LRRC58: variants seen among roughly 807,000 people sequenced by gnomAD.
LRRC58 encodes leucine-rich repeat-containing protein 58.
Under a neutral mutation model 30.6 loss-of-function variants are expected in LRRC58, and 18 were observed. The observed-to-expected ratio is 0.59, with a 90% CI of 0.41 to 0.87. LRRC58 has a LOEUF of 0.87. Ranked by LOEUF, LRRC58 falls within the 40% of genes least tolerant of loss-of-function variation. LRRC58 has a pLI of 0.00. For synonymous variants in LRRC58, 221 were observed against 206.0 expected (o/e 1.07, Z -0.62); for missense variants, 420 against 468.4 (o/e 0.90, Z 0.95).
Position 120,326,094 on chromosome 3 carries a change from C to T in LRRC58, c.*5106G>A, listed in dbSNP as rs568044010. 1 of 152,328 alleles carries T rather than the reference C, an allele frequency of 6.6e-6. No homozygotes were observed. The highest frequency in any genetic ancestry group is 1.9e-4 in the East Asian group (1 of 5,188). The allele number at this position is 152,328 out of a possible 1,614,324, so 9.4% of individuals were successfully genotyped here. A position where few individuals can be genotyped will look rare whatever the true frequency, so the allele number is the denominator to read the frequency against. ...TAGAGTAGAGGATTTAAGGCACATACTTCCTGACCACAACTGAAATCATGA... is the reference window on the plus strand; with the variant it reads ...TAGAGTAGAGGATTTAAGGCACATATTTCCTGACCACAACTGAAATCATGA... On this transcript the variant is annotated 3_prime_UTR_variant, in exon 4 of 4. Coordinates refer to ENST00000295628, the MANE Select transcript of LRRC58 (RefSeq NM_001099678.2).
intron 1 of LRRC58, among the ~76,000 whole-genome samples, chr3:120,340,639 T>C (rs1208278254): frequency 6.6e-6 from 1 of 152,142 alleles, no homozygotes; most frequent in Non-Finnish European, 1.5e-5. Context: ...TTTGGGAGGC[T>C]GAGGCAGGTG....
At chr3:120,331,446 G>C (rs1299837179) in intron 3 of LRRC58, 38 bp from the exon 4 acceptor site, 3 of 1,496,468 alleles carry the variant, frequency 2.0e-6, no homozygotes, top group Middle Eastern at 1.8e-4. Context: ...TCATTACAAA[G>C]CAAGGAATCA....
chr3:120,337,846 CT>C (rs1338576803), intron 1 of LRRC58, among the ~76,000 whole-genome samples: 10 of 148,874 alleles, frequency 6.7e-5, no homozygotes, highest in East Asian at 3.9e-4. Context: ...TCTATTTGTT[CT>C]TTTTTTTTTG....
chr3:120,339,397 C>A (rs1033045928), intron 1 of LRRC58, among the ~76,000 whole-genome samples: 1 of 152,102 alleles, frequency 6.6e-6, no homozygotes, highest in East Asian at 1.9e-4. Context: ...ATATGTTTTA[C>A]CAATTTTATC....
chr3:120,343,983 G>A (rs776633594), intron 1 of LRRC58, among the ~76,000 whole-genome samples: 52 of 152,292 alleles, frequency 3.4e-4, no homozygotes, highest in Middle Eastern at 6.8e-3. Context: ...AGGCTGCAGT[G>A]AGGTGAGATC....
At chr3:120,339,008 A>G (rs971273865) in intron 1 of LRRC58, among the ~76,000 whole-genome samples, 1 of 152,178 alleles carries the variant, frequency 6.6e-6, no homozygotes, top group Non-Finnish European at 1.5e-5. Flanking sequence ...CCCTTTACTT[A>G]TAACTTATTG....
At position 120,349,279 on chromosome 3, in the gene LRRC58, C is replaced by T. The variant is rs898176367; in HGVS notation, c.-36G>A. 1.0e-5 allele frequency: 14 copies of T among 1,353,350 alleles called. No individual in the cohort carries two copies. Among genetic ancestry groups the T allele is most frequent in the Non-Finnish European group, 1.3e-5 (14 of 1,059,310 alleles). 83.8% of individuals were successfully genotyped at this position (1,353,350 alleles called of 1,614,324 possible). A position where few individuals can be genotyped will look rare whatever the true frequency, so the allele number is the denominator to read the frequency against. ...GCACGGCGCGTGGCGCCGGATTCCC[C>T]AGAGCGCCGCGCGCGGTCCAGAGGC... On this transcript the variant is annotated 5_prime_UTR_variant, in exon 1 of 4. Coordinates refer to ENST00000295628, the MANE Select transcript of LRRC58 (RefSeq NM_001099678.2).
At position 120,335,156 on chromosome 3, in the gene LRRC58, AG is replaced by A. The variant is rs1208152660; in HGVS notation, c.630-18del. 51 of 1,602,326 alleles carry A rather than the reference AG, an allele frequency of 3.2e-5. No homozygotes were observed. The Middle Eastern group carries it at 6.6e-4, about 21-fold the overall frequency. On this transcript the variant is annotated intron_variant, in intron 2 of 3. Transcript: ENST00000295628. ...GAATGTAACCTAGAATAAATGTAGT[AG>A]AAAAATCAATGGCAGTAAACAACGT...
At chr3:120,333,461 G>T (rs1233716597) in intron 3 of LRRC58, among the ~76,000 whole-genome samples, 1 of 152,160 alleles carries the variant, frequency 6.6e-6, no homozygotes, top group African/African-American at 2.4e-5. Flanking sequence ...TCTAAGAGTG[G>T]GTGGCCAGAA....
chr3:120,348,835 C>A lies in LRRC58; in HGVS notation c.409G>T (p.Ala137Ser), dbSNP rs780183423. The A allele has an allele frequency of 1.9e-6, 3 of 1,605,492 alleles. No homozygotes were observed. Among genetic ancestry groups the A allele is most frequent in the South Asian group, 1.1e-5 (1 of 89,204 alleles). ...AGCGCGCGCAGCTCTAAGAGCGAGG[C>A]AGGCACCTCCTGGAAACAGTTGCCG... ...LSGNCFQEVP[A>S]SLLELRALQT... is the part of the protein sequence containing the mutation. Residue 137 changes from alanine (A) to serine (S), a missense_variant, in exon 1 of 4, where the codon GCC (alanine) becomes TCC (serine). This residue lies in a region of LRRC58 where 266 missense variants were observed against 251.7 expected (regional missense o/e 1.06). Transcript: ENST00000295628.
At chr3:120,346,234 G>A (rs934024009) in intron 1 of LRRC58, among the ~76,000 whole-genome samples, 74 of 152,108 alleles carry the variant, frequency 4.9e-4, no homozygotes, top group African/African-American at 1.8e-3. Flanking sequence ...TCCAGCCTGG[G>A]CAACAGAGTG....
chr3:120,345,867 C>T (rs1315935693), intron 1 of LRRC58, among the ~76,000 whole-genome samples: 2 of 152,220 alleles, frequency 1.3e-5, no homozygotes, highest in Non-Finnish European at 2.9e-5. Flanking sequence ...ACAGATAGCA[C>T]GGTTGTTAGC....
chr3:120,345,030 G>C (rs993840345), intron 1 of LRRC58, among the ~76,000 whole-genome samples: 1 of 151,986 alleles, frequency 6.6e-6, no homozygotes, highest in African/African-American at 2.4e-5. Context: ...TTTACTCGAG[G>C]GGAAGGAAGT....
intron 1 of LRRC58, among the ~76,000 whole-genome samples, chr3:120,347,512 C>T (rs1935987417): frequency 6.7e-6 from 1 of 149,814 alleles, no homozygotes. Flanking sequence ...CTGCCTCAGC[C>T]TCCCGAGTAG....
intron 1 of LRRC58, among the ~76,000 whole-genome samples, chr3:120,347,401 T>TTTTTTTTTTTTTTTTTG (rs1935985195): frequency 8.8e-6 from 1 of 113,438 alleles, no homozygotes; most frequent in South Asian, 2.9e-4. Flanking sequence ...TTTTTTTTTT[T>TTTTTTTTTTTTTTTTTG]TGAGACAGAG....
At chr3:120,331,638 C>G (rs1367318983) in intron 3 of LRRC58, among the ~76,000 whole-genome samples, 1 of 152,072 alleles carries the variant, frequency 6.6e-6, no homozygotes, top group Non-Finnish European at 1.5e-5. Context: ...GGAGCAGGCA[C>G]AGAAAGGACA....
chr3:120,343,793 G>A (rs2107626826), intron 1 of LRRC58, among the ~76,000 whole-genome samples: 1 of 152,306 alleles, frequency 6.6e-6, no homozygotes, highest in South Asian at 2.1e-4. Flanking sequence ...ACTTTCGGAA[G>A]CTGAGGCAGG....
In LRRC58 at chr3:120,326,671, T is replaced by C. The variant is rs566420126; in HGVS notation, c.*4529A>G. 2.3e-4 allele frequency: 35 copies of C among 152,322 alleles called. No homozygotes were observed. Among genetic ancestry groups the C allele is most frequent in the African/African-American group, 8.2e-4 (34 of 41,564 alleles). 9.4% of individuals were successfully genotyped at this position (152,322 alleles called of 1,614,324 possible). ...TGGACTAAATGGGGAGTAACATTCATAATGACAATAAAATCTCTACCTCTG... is the reference window on the plus strand; with the variant it reads ...TGGACTAAATGGGGAGTAACATTCACAATGACAATAAAATCTCTACCTCTG... On this transcript the variant is annotated 3_prime_UTR_variant, in exon 4 of 4. Coordinates refer to ENST00000295628, the MANE Select transcript of LRRC58 (RefSeq NM_001099678.2).
At position 120,328,765 on chromosome 3, in the gene LRRC58, T is replaced by C. The variant is rs1298368338; in HGVS notation, c.*2435A>G. The C allele has an allele frequency of 6.6e-6, 1 of 152,196 alleles. No individual in the cohort carries two copies. The highest frequency in any genetic ancestry group is 1.5e-5 in the Non-Finnish European group (1 of 68,020). 9.4% of individuals were successfully genotyped at this position (152,196 alleles called of 1,614,324 possible). A position where few individuals can be genotyped will look rare whatever the true frequency, so the allele number is the denominator to read the frequency against. ...GAAACAGGGAAAATCTTAGAAATTA[T>C]TAGCTGCTCTTACAAAAGTTTAGGT... is the stretch of plus-strand genomic sequence containing the variant. On this transcript the variant is annotated 3_prime_UTR_variant, in exon 4 of 4. Transcript: ENST00000295628.
Sources: gnomAD v4.1 joint callset for allele counts (sites outside exome capture counted in the v4.1 genomes callset) on GRCh38, gnomAD v4.1.1 for gene constraint, gnomAD v4.1.1 regional missense constraint, MANE v1.5 for transcripts, NCBI Gene and HGNC (gene_info 2026-07-23, HGNC 2026-07-21) for gene names.